Variants in RGP1 observed in about 807,000 individuals in gnomAD.
The protein encoded by RGP1 is RGP1 partner of RAB6A GEF complex, also known as RAB6A-GEF complex partner protein 2.
Under a neutral mutation model 44.5 loss-of-function variants are expected in RGP1, and 28 were observed. The ratio of observed to expected loss-of-function variants is 0.63; its 90% confidence interval spans 0.47 to 0.86. RGP1 has a LOEUF of 0.86. Ranked by LOEUF, RGP1 falls within the 40% of genes least tolerant of loss-of-function variation. The probability of loss-of-function intolerance (pLI) is 0.00; values close to 1 mark genes in which losing one functional copy is unlikely to be tolerated. For missense variants in RGP1, 417 were observed against 490.7 expected (o/e 0.85, Z 1.42); for synonymous variants, 212 against 196.7 (o/e 1.08, Z -0.65).
the RGP1 span, among the ~76,000 whole-genome samples, chr9:35,782,918 C>G: frequency 6.7e-6 from 1 of 149,780 alleles, no homozygotes; most frequent in Non-Finnish European, 1.5e-5. Context: ...AAGCGATTCT[C>G]GTGTCTCAGC....
chr9:35,771,277 C>G, the RGP1 span, among the ~76,000 whole-genome samples: 1 of 152,148 alleles, frequency 6.6e-6, no homozygotes, highest in Admixed American at 6.5e-5. Context: ...GCCCGGAGCA[C>G]AGCCAGCTTT....
At chr9:35,785,867 A>T in the RGP1 span, among the ~76,000 whole-genome samples, 27 of 151,810 alleles carry the variant, frequency 1.8e-4, no homozygotes, top group Non-Finnish European at 3.2e-4. Context: ...CTTCCCTCAG[A>T]TTACCTCAGA....
chr9:35,777,184 C>T, the RGP1 span, among the ~76,000 whole-genome samples: 54 of 126,786 alleles, frequency 4.3e-4, no homozygotes, highest in African/African-American at 1.6e-3. Flanking sequence ...GGCTGGAGTG[C>T]GGTGGCATGA....
In RGP1 at chr9:35,751,322, T is replaced by C. The variant is rs1827259535; in HGVS notation, c.544T>C (p.Leu182=). The C allele has an allele frequency of 1.2e-6, 2 of 1,614,006 alleles. No individual in the cohort carries two copies. Among genetic ancestry groups the C allele is most frequent in the African/African-American group, 1.3e-5 (1 of 75,042 alleles). The change falls in exon 6 of 9, where the codon TTG becomes CTG. Residue 182 remains leucine (L), a synonymous_variant. Coordinates refer to ENST00000378078, the MANE Select transcript of RGP1 (RefSeq NM_001080496.3). ...GGCTGTAGCCCCATCCAGTCCATTC[T>C]TGGAGGAGGATGAAGGTGGGAAGAA... The part of the protein sequence containing the change: ...DEAVAPSSPF[L]EEDEGGKKDS...
the RGP1 span, among the ~76,000 whole-genome samples, chr9:35,769,329 C>T: frequency 3.3e-5 from 5 of 152,356 alleles, no homozygotes; most frequent in South Asian, 1.0e-3. Flanking sequence ...CACCTGTTAT[C>T]TCTCCTCACC....
the RGP1 span, among the ~76,000 whole-genome samples, chr9:35,788,120 G>T: frequency 6.6e-6 from 1 of 152,222 alleles, no homozygotes; most frequent in Non-Finnish European, 1.5e-5. Flanking sequence ...TCCCATGGTG[G>T]TTGCAGAGCT....
At chr9:35,776,994 CAA>C in the RGP1 span, among the ~76,000 whole-genome samples, 43 of 107,030 alleles carry the variant, frequency 4.0e-4, no homozygotes, top group Middle Eastern at 0.011. Context: ...GACTCTGTCT[CAA>C]AAAAAAAAAA....
chr9:35,782,988 T>C, the RGP1 span, among the ~76,000 whole-genome samples: 1 of 151,210 alleles, frequency 6.6e-6, no homozygotes, highest in Non-Finnish European at 1.5e-5. Context: ...TTTGTATTAT[T>C]AGTAGAGACG....
the RGP1 span, among the ~76,000 whole-genome samples, chr9:35,777,276 C>T: frequency 6.6e-6 from 1 of 150,750 alleles, no homozygotes; most frequent in Non-Finnish European, 1.5e-5. Context: ...ACTACAGGTG[C>T]CCACCACCAT....
Position 35,749,427 on chromosome 9 carries a change from C to T in RGP1, c.-20+19C>T, listed in dbSNP as rs1344826926. On this transcript the variant is annotated intron_variant, in intron 1 of 8. Transcript: ENST00000378078. The surrounding 1 kb of genome is among the most constrained non-coding windows in gnomAD (Gnocchi z 4.4). ...ATGCGAGGTGACTAGCGGCGGTGAT[C>T]TTGGGCTGGGACGTGGAACTTTGAG... 5.2e-6 allele frequency: 3 copies of T among 578,718 alleles called. 1 individual carries two copies. Among genetic ancestry groups the T allele is most frequent in the East Asian group, 4.6e-5 (1 of 21,780 alleles). The allele number at this position is 578,718 out of a possible 1,614,324, so 35.8% of individuals were successfully genotyped here. A position where few individuals can be genotyped will look rare whatever the true frequency, so the allele number is the denominator to read the frequency against.
At chr9:35,770,492 GGAGAGAGAGAGAGAGAGAGAGA>G in the RGP1 span, among the ~76,000 whole-genome samples, 36 of 107,100 alleles carry the variant, frequency 3.4e-4, no homozygotes, top group Admixed American at 1.6e-3. Flanking sequence ...GTATTACCAT[GGAGAGAGAGAGAGAGAGAGAGA>G]GAGAGAGAGA....
At chr9:35,773,076 G>A in the RGP1 span, among the ~76,000 whole-genome samples, 9 of 151,942 alleles carry the variant, frequency 5.9e-5, no homozygotes, top group Non-Finnish European at 1.0e-4. Context: ...GCTTCTTATT[G>A]CAAAAGTAAT....
rs1345272963 is a variant in RGP1 at position 35,756,453 on chromosome 9, C to A, written c.*3579C>A. ...GACCTCACGTTCGCCCTAGTCAGGA[C>A]TGATACCCTTTCCGTTTCAGAGGAT... On this transcript the variant is annotated 3_prime_UTR_variant, in exon 9 of 9. Coordinates refer to ENST00000378078, the MANE Select transcript of RGP1 (RefSeq NM_001080496.3). The A allele has an allele frequency of 6.6e-6, 1 of 152,494 alleles. No individual in the cohort carries two copies. The highest frequency in any genetic ancestry group is 2.4e-5 in the African/African-American group (1 of 41,474). The allele number at this position is 152,494 out of a possible 1,614,324, so 9.4% of individuals were successfully genotyped here.
chr9:35,786,764 A>G, the RGP1 span: 5 of 152,204 alleles, frequency 3.3e-5, no homozygotes, highest in Admixed American at 2.0e-4. Flanking sequence ...TAAAAAACAT[A>G]TATCTATTCA....
chr9:35,780,547 G>T, the RGP1 span: 3 of 152,166 alleles, frequency 2.0e-5, no homozygotes, highest in Non-Finnish European at 2.9e-5. Flanking sequence ...ACCTTTCCCT[G>T]CAGTCTCAGA....
rs1191802401 is a variant in RGP1, at chr9:35,753,872, T to G, written c.*998T>G. 6.5e-7 allele frequency: 1 copy of G among 1,531,454 alleles called. No individual in the cohort carries two copies. Among genetic ancestry groups the G allele is most frequent in the Non-Finnish European group, 8.9e-7 (1 of 1,121,356 alleles). The allele number at this position is 1,531,454 out of a possible 1,614,324, so 94.9% of individuals were successfully genotyped here. A position where few individuals can be genotyped will look rare whatever the true frequency, so the allele number is the denominator to read the frequency against. Reference sequence around the variant, plus strand: ...AGTAAGTACGCACTATCCCCGTATTTAGTTTGTCTTTCCTGTTTCACAGCT... The same window carrying G: ...AGTAAGTACGCACTATCCCCGTATTGAGTTTGTCTTTCCTGTTTCACAGCT... On this transcript the variant is annotated 3_prime_UTR_variant, in exon 9 of 9. Coordinates refer to ENST00000378078, the MANE Select transcript of RGP1 (RefSeq NM_001080496.3). This position sits in a 1 kb window ranked among gnomAD's most constrained non-coding sequence, Gnocchi z 4.2.
chr9:35,754,111 A>C lies in RGP1; in HGVS notation c.*1237A>C, dbSNP rs1413945572. On this transcript the variant is annotated 3_prime_UTR_variant, in exon 9 of 9. Coordinates refer to ENST00000378078, the MANE Select transcript of RGP1 (RefSeq NM_001080496.3). ...AGGATCCCCTTGGCCTGTCCAGCCC[A>C]GAGCATCCTTAGGGCCATTGCTGCT... is the stretch of plus-strand genomic sequence containing the variant. 3 of 1,613,296 alleles carry C rather than the reference A, an allele frequency of 1.9e-6. No homozygotes were observed. Among genetic ancestry groups the C allele is most frequent in the Non-Finnish European group, 2.5e-6 (3 of 1,179,552 alleles).
rs1166791678 is a variant in RGP1, at chr9:35,754,240, C to T, written c.*1366C>T. On this transcript the variant is annotated 3_prime_UTR_variant, in exon 9 of 9. Coordinates refer to ENST00000378078, the MANE Select transcript of RGP1 (RefSeq NM_001080496.3). ...CTTGAGTCTTAGTTTCTGTCTTTCT[C>T]CCCTGGGCTCCTGTCTCACACTATC... is the stretch of plus-strand genomic sequence containing the variant. The T allele has an allele frequency of 9.5e-6, 13 of 1,367,780 alleles. No homozygotes were observed. Among genetic ancestry groups the T allele is most frequent in the South Asian group, 1.4e-5 (1 of 70,606 alleles). 84.7% of individuals were successfully genotyped at this position (1,367,780 alleles called of 1,614,324 possible).
downstream of RGP1, among the ~76,000 whole-genome samples, chr9:35,763,423 A>G (rs892472645): frequency 1.3e-5 from 2 of 152,218 alleles, no homozygotes; most frequent in Non-Finnish European, 2.9e-5. Flanking sequence ...CAAGATTTTC[A>G]TGTGTACAGT....
Sources: gnomAD v4.1 joint callset for allele counts (sites outside exome capture counted in the v4.1 genomes callset) on GRCh38, gnomAD v4.1.1 for gene constraint, Gnocchi (gnomAD v3.1) non-coding constraint, MANE v1.5 for transcripts, NCBI Gene and HGNC (gene_info 2026-07-23, HGNC 2026-07-21) for gene names.